KCNH8: variants seen among roughly 807,000 people sequenced by gnomAD.
The protein encoded by KCNH8 is voltage-gated delayed rectifier potassium channel KCNH8.
A neutral mutation model predicts 103.6 loss-of-function variants in KCNH8; 70 were observed. The ratio of observed to expected loss-of-function variants is 0.68; its 90% CI spans 0.56 to 0.82. KCNH8 has a LOEUF of 0.82. Among genes scored for constraint, KCNH8 ranks in the 40% least tolerant of loss-of-function variants. The probability of loss-of-function intolerance (pLI) is 0.00; values close to 1 mark genes in which losing one functional copy is unlikely to be tolerated. For synonymous variants in KCNH8, 498 were observed against 489.4 expected (o/e 1.02, Z -0.23); for missense variants, 1,217 against 1,329.9 (o/e 0.92, Z 1.32).
intron 1 of KCNH8, among the ~76,000 whole-genome samples, chr3:19,185,598 A>T (rs2063494089): frequency 6.6e-6 from 1 of 151,928 alleles, no homozygotes; most frequent in Non-Finnish European, 1.5e-5. Flanking sequence ...CATGTGTTTC[A>T]TATCTCTCAC....
chr3:19,475,189 T>C (rs1248421687), intron 11 of KCNH8, among the ~76,000 whole-genome samples: 1 of 152,206 alleles, frequency 6.6e-6, no homozygotes, highest in Non-Finnish European at 1.5e-5. Context: ...CACTTGTCTA[T>C]ATTTTGCTAA....
At chr3:19,248,855 A>T (rs62279464) in intron 1 of KCNH8, among the ~76,000 whole-genome samples, 1,576 of 152,248 alleles carry the variant, frequency 0.01, 22 homozygotes, top group Non-Finnish European at 0.017. Context: ...TCTTCATTTG[A>T]AGGGGAAAGT....
intron 11 of KCNH8, among the ~76,000 whole-genome samples, chr3:19,480,391 T>A (rs1260536698): frequency 6.6e-6 from 1 of 152,178 alleles, no homozygotes; most frequent in African/African-American, 2.4e-5. Flanking sequence ...TACTATAGTA[T>A]CTTCTGTCAG....
At chr3:19,388,518 G>T (rs1245702571) in intron 5 of KCNH8, among the ~76,000 whole-genome samples, 1 of 152,032 alleles carries the variant, frequency 6.6e-6, no homozygotes, top group Non-Finnish European at 1.5e-5. Context: ...ACTGTGCAGT[G>T]TAATTCACCT....
intron 1 of KCNH8, among the ~76,000 whole-genome samples, chr3:19,156,145 A>G (rs1030208539): frequency 2.0e-5 from 3 of 151,914 alleles, no homozygotes; most frequent in African/African-American, 7.3e-5. Flanking sequence ...TCTTTTACAA[A>G]CTCTAGTGAT....
intron 1 of KCNH8, among the ~76,000 whole-genome samples, chr3:19,234,440 G>T (rs2064035856): frequency 6.6e-6 from 1 of 152,252 alleles, no homozygotes; most frequent in South Asian, 2.1e-4. Flanking sequence ...CGAGAAGCCA[G>T]CTAAGGCCCT....
At chr3:19,314,437 G>T (rs769824718) in intron 3 of KCNH8, among the ~76,000 whole-genome samples, 4 of 151,928 alleles carry the variant, frequency 2.6e-5, no homozygotes, top group South Asian at 2.1e-4. Flanking sequence ...TGGCATGGTG[G>T]TGAGCACCTA....
At chr3:19,157,789 CTTA>C (rs1360686332) in intron 1 of KCNH8, among the ~76,000 whole-genome samples, 1 of 151,824 alleles carries the variant, frequency 6.6e-6, no homozygotes, top group Non-Finnish European at 1.5e-5. Flanking sequence ...TTCATTGTCT[CTTA>C]TTAACTGAAT....
intron 7 of KCNH8, among the ~76,000 whole-genome samples, chr3:19,402,442 T>G (rs569875678): frequency 1.3e-5 from 2 of 151,918 alleles, no homozygotes; most frequent in South Asian, 4.2e-4. Flanking sequence ...AATGCCTACT[T>G]AGAAAATCAC....
intron 1 of KCNH8, among the ~76,000 whole-genome samples, chr3:19,218,157 T>A (rs2063835737): frequency 6.6e-6 from 1 of 152,218 alleles, no homozygotes; most frequent in Non-Finnish European, 1.5e-5. Context: ...GGATTTTTTT[T>A]TATTTTCTTG....
At chr3:19,264,659 AG>A (rs1252457442) in intron 2 of KCNH8, among the ~76,000 whole-genome samples, 21 of 152,106 alleles carry the variant, frequency 1.4e-4, no homozygotes, top group African/African-American at 5.1e-4. Flanking sequence ...ACTTCTTCAA[AG>A]TCAGCCTTAG....
chr3:19,220,281 C>A (rs964139788), intron 1 of KCNH8, among the ~76,000 whole-genome samples: 2 of 152,198 alleles, frequency 1.3e-5, no homozygotes, highest in Admixed American at 6.5e-5. Flanking sequence ...TCTCAGAGCT[C>A]AGCCCACACA....
chr3:19,466,570 T>C (rs924805095), intron 11 of KCNH8, among the ~76,000 whole-genome samples: 4 of 146,006 alleles, frequency 2.7e-5, no homozygotes, highest in Non-Finnish European at 6.0e-5. Context: ...GCCATCAACA[T>C]CAAAGCAAAA....
intron 3 of KCNH8, among the ~76,000 whole-genome samples, chr3:19,286,042 A>G (rs1169151328): frequency 6.6e-6 from 1 of 152,226 alleles, no homozygotes; most frequent in Non-Finnish European, 1.5e-5. Context: ...AACAGCAAGT[A>G]GTTGACCTTT....
chr3:19,210,961 A>G (rs2125224995), intron 1 of KCNH8, among the ~76,000 whole-genome samples: 1 of 152,300 alleles, frequency 6.6e-6, no homozygotes, highest in East Asian at 1.9e-4. Context: ...CCAATATTCA[A>G]ATATTTTTAT....
chr3:19,293,852 T>A (rs1310733253), intron 3 of KCNH8, among the ~76,000 whole-genome samples: 1 of 152,210 alleles, frequency 6.6e-6, no homozygotes, highest in Non-Finnish European at 1.5e-5. Flanking sequence ...AAATATTTGA[T>A]AGATGGATGA....
At chr3:19,338,483 T>A (rs1008817956) in intron 3 of KCNH8, among the ~76,000 whole-genome samples, 3 of 152,086 alleles carry the variant, frequency 2.0e-5, no homozygotes, top group African/African-American at 2.4e-5. Context: ...ATTGTCCTTT[T>A]TGTGGTGAAA....
At chr3:19,338,057 C>T (rs1045359604) in intron 3 of KCNH8, among the ~76,000 whole-genome samples, 4 of 151,722 alleles carry the variant, frequency 2.6e-5, no homozygotes, top group African/African-American at 9.7e-5. Flanking sequence ...AATATATATT[C>T]TAGGCTTTGA....
intron 3 of KCNH8, among the ~76,000 whole-genome samples, chr3:19,328,385 AC>A (rs2065460320): frequency 6.6e-6 from 1 of 152,084 alleles, no homozygotes; most frequent in Non-Finnish European, 1.5e-5. Context: ...TTGTTTCCAA[AC>A]CGTTTCCATC....
Sources: gnomAD v4.1 joint callset for allele counts (sites outside exome capture counted in the v4.1 genomes callset) on GRCh38, gnomAD v4.1.1 for gene constraint, MANE v1.5 for transcripts, NCBI Gene and HGNC (gene_info 2026-07-23, HGNC 2026-07-21) for gene names.